Variants in BICD1 observed in about 807,000 individuals in gnomAD.
BICD1 encodes the protein protein bicaudal D homolog 1.
Under a neutral mutation model 92.5 loss-of-function variants are expected in BICD1, and 35 were observed. The ratio of observed to expected loss-of-function variants is 0.38; its 90% CI spans 0.29 to 0.50. The LOEUF is 0.50. Among genes scored for constraint, BICD1 ranks in the 20% least tolerant of loss-of-function variants. BICD1 has a pLI of 0.93. For missense variants in BICD1, 950 were observed against 1,189.8 expected, an observed-to-expected ratio of 0.80 and a Z score of 2.97; for synonymous variants, 429 against 465.1, an observed-to-expected ratio of 0.92 and a Z score of 1.00.
At chr12:32,161,892 C>A (rs7980739) in intron 1 of BICD1, among the ~76,000 whole-genome samples, 1 of 152,102 alleles carries the variant, frequency 6.6e-6, no homozygotes, top group African/African-American at 2.4e-5. Context: ...TCAATTTTCT[C>A]ATATTGGGAA....
intron 6 of BICD1, among the ~76,000 whole-genome samples, chr12:32,335,102 A>C (rs1938046294): frequency 6.6e-6 from 1 of 152,214 alleles, no homozygotes; most frequent in Non-Finnish European, 1.5e-5. Context: ...CTGTGCGAGA[A>C]GATACTGTCA....
At position 32,316,294 on chromosome 12, in the gene BICD1, T is replaced by C. The variant is rs577002274; in HGVS notation, c.1005+10172T>C. 8.9e-3 allele frequency among the ~76,000 whole-genome samples: 1,356 copies of C among 151,926 alleles called. 23 individuals are homozygous for C. Among genetic ancestry groups the C allele is most frequent in the African/African-American group, 0.031 (1,293 of 41,428 alleles). ...TTTGGACATGATATTTTCTTTTTTT[T>C]TTTCTTTTTTGTTTGAGATGGAGTC... On this transcript the variant is annotated intron_variant, in intron 4 of 9. Transcript: ENST00000652176.
At chr12:32,188,975 C>T (rs1220063516) in intron 1 of BICD1, among the ~76,000 whole-genome samples, 1 of 152,142 alleles carries the variant, frequency 6.6e-6, no homozygotes, top group Admixed American at 6.6e-5. Flanking sequence ...TAACCAGTAC[C>T]AAAGTTATTT....
intron 1 of BICD1, among the ~76,000 whole-genome samples, chr12:32,161,832 A>C (rs1321105656): frequency 1.3e-5 from 2 of 152,190 alleles, no homozygotes; most frequent in Non-Finnish European, 2.9e-5. Context: ...CATAGAAGGC[A>C]CTGGATGAAT....
chr12:32,269,503 C>T (rs1415899078), intron 2 of BICD1, among the ~76,000 whole-genome samples: 1 of 152,130 alleles, frequency 6.6e-6, no homozygotes, highest in South Asian at 2.1e-4. Context: ...CTGTACTTAA[C>T]AACTTGCAAA....
rs143227254 is a variant in BICD1 at position 32,147,402 on chromosome 12, A to AT, written c.213+39865dup. 9.7e-3 allele frequency among the ~76,000 whole-genome samples: 1,482 copies of AT among 152,162 alleles called. 26 individuals carry two copies. Among genetic ancestry groups the AT allele is most frequent in the African/African-American group, 0.034 (1,404 of 41,490 alleles). On this transcript the variant is annotated intron_variant, in intron 1 of 9. Coordinates refer to ENST00000652176, the MANE Select transcript of BICD1 (RefSeq NM_001714.4). Reference sequence around the variant, plus strand: ...AAGGTCGTTCAGGTGGCGGTGGTGGATTTTTTTCCCTTAGCCGTCATTTTG... The same window carrying AT: ...AAGGTCGTTCAGGTGGCGGTGGTGGATTTTTTTTCCCTTAGCCGTCATTTTG...
intron 5 of BICD1, among the ~76,000 whole-genome samples, chr12:32,329,611 A>G (rs1358981732): frequency 6.6e-6 from 1 of 152,206 alleles, no homozygotes; most frequent in Non-Finnish European, 1.5e-5. Flanking sequence ...GTGAGAGAGT[A>G]TAAGAATGAG....
At chr12:32,287,416 T>C (rs899244668) in intron 2 of BICD1, among the ~76,000 whole-genome samples, 2 of 152,190 alleles carry the variant, frequency 1.3e-5, no homozygotes, top group African/African-American at 4.8e-5. Context: ...GAAGCACATG[T>C]ATTACTGTAT....
chr12:32,255,341 T>C (rs1946687549), intron 2 of BICD1, among the ~76,000 whole-genome samples: 3 of 152,004 alleles, frequency 2.0e-5, no homozygotes, highest in Admixed American at 2.0e-4. Flanking sequence ...GGCTTCAACA[T>C]AGGAGTTTGG....
chr12:32,358,273 G>T (rs1208460486), intron 8 of BICD1, among the ~76,000 whole-genome samples: 1 of 151,642 alleles, frequency 6.6e-6, no homozygotes. Context: ...GCTAATTTTT[G>T]TTATTTTAGT....
intron 2 of BICD1, among the ~76,000 whole-genome samples, chr12:32,236,428 T>A (rs1946075433): frequency 6.6e-6 from 1 of 152,028 alleles, no homozygotes; most frequent in Non-Finnish European, 1.5e-5. Flanking sequence ...TAATTGATAC[T>A]TAATCCATAA....
chr12:32,337,781 C>A lies in BICD1; in HGVS notation c.2535C>A (p.Pro845=). ...YLLHSQGPQT[P]NIRVSSGTQR... ...TGCATAGTCAGGGCCCACAGACACCCAACATTCGGGTCAGCAGTGGCACTC... is the reference window on the plus strand; with the variant it reads ...TGCATAGTCAGGGCCCACAGACACCAAACATTCGGGTCAGCAGTGGCACTC... Residue 845 remains proline (P), a synonymous_variant, in exon 7 of 10, where the codon CCC becomes CCA. Transcript: ENST00000652176. The surrounding 1 kb of genome is among the most constrained non-coding windows in gnomAD (Gnocchi z 4.7). 1 of 1,614,134 alleles carries A rather than the reference C, an allele frequency of 6.2e-7. No homozygotes were observed. The highest frequency in any genetic ancestry group is 8.5e-7 in the Non-Finnish European group (1 of 1,180,028).
chr12:32,127,922 GA>G (rs1942399485), intron 1 of BICD1, among the ~76,000 whole-genome samples: 1 of 90,850 alleles, frequency 1.1e-5, no homozygotes, highest in Admixed American at 1.3e-4. Flanking sequence ...TTTTTTTTTT[GA>G]GACAGACTCT....
intron 2 of BICD1, among the ~76,000 whole-genome samples, chr12:32,242,055 A>AC (rs879333261): frequency 0.05 from 7,511 of 150,564 alleles, 209 homozygotes; most frequent in Middle Eastern, 0.11. Context: ...AAACAAACAA[A>AC]AAAACAAAAA....
rs1332619595 is a variant in BICD1, at chr12:32,181,848, A to G, written c.214-34399A>G. Among the ~76,000 whole-genome samples the G allele has an allele frequency of 1.3e-5, 2 of 152,028 alleles. 1 individual carries two copies. Among genetic ancestry groups the G allele is most frequent in the African/African-American group, 4.8e-5 (2 of 41,434 alleles). ...CCTTATGCCTGTGTGTACCTCATCA[A>G]TTCAGCAAAAGCAAAACCTGATCTA... is the stretch of plus-strand genomic sequence containing the variant. On this transcript the variant is annotated intron_variant, in intron 1 of 9. Coordinates refer to ENST00000652176, the MANE Select transcript of BICD1 (RefSeq NM_001714.4).
chr12:32,234,787 C>T (rs542935853), intron 2 of BICD1, among the ~76,000 whole-genome samples: 1 of 150,294 alleles, frequency 6.7e-6, no homozygotes, highest in Admixed American at 6.6e-5. Flanking sequence ...GTTACTCAGG[C>T]AATCCTCCTG....
At chr12:32,161,953 C>A (rs1010860943) in intron 1 of BICD1, among the ~76,000 whole-genome samples, 1 of 152,128 alleles carries the variant, frequency 6.6e-6, no homozygotes, top group Non-Finnish European at 1.5e-5. Flanking sequence ...AAAAAGCTGT[C>A]AAGATCAGGA....
intron 1 of BICD1, among the ~76,000 whole-genome samples, chr12:32,203,425 A>T (rs1483893691): frequency 6.6e-6 from 1 of 152,166 alleles, no homozygotes; most frequent in Non-Finnish European, 1.5e-5. Flanking sequence ...AATATGTGCC[A>T]TACATATGTG....
chr12:32,338,746 T>C, intron 7 of BICD1, 40 bp from the exon 8 acceptor site: 3 of 1,515,754 alleles, frequency 2.0e-6, no homozygotes, highest in Non-Finnish European at 2.7e-6. Context: ...AGTAAAACTT[T>C]TTTGTTTCCT....
Sources: gnomAD v4.1 joint callset for allele counts (sites outside exome capture counted in the v4.1 genomes callset) on GRCh38, gnomAD v4.1.1 for gene constraint, Gnocchi (gnomAD v3.1) non-coding constraint, MANE v1.5 for transcripts, NCBI Gene and HGNC (gene_info 2026-07-23, HGNC 2026-07-21) for gene names.